Variants in PLPPR1 observed in about 807,000 individuals in gnomAD.
PLPPR1 encodes the protein phospholipid phosphatase-related protein type 1.
A neutral mutation model predicts 33.1 loss-of-function variants in PLPPR1; 10 were observed. That is an observed-to-expected ratio of 0.30 (90% CI 0.19 to 0.51). The LOEUF (loss-of-function observed/expected upper bound fraction) is 0.51. Among genes scored for constraint, PLPPR1 ranks in the 20% least tolerant of loss-of-function variants. The probability of loss-of-function intolerance (pLI) is 0.97; values close to 1 mark genes in which losing one functional copy is unlikely to be tolerated. For missense variants in PLPPR1, 304 were observed against 408.1 expected, an observed-to-expected ratio of 0.74 and a Z score of 2.20; for synonymous variants, 151 against 151.0, an observed-to-expected ratio of 1.00 and a Z score of 0.00.
chr9:101,269,704 A>G lies in PLPPR1; in HGVS notation c.64-176A>G. The G allele has an allele frequency of 4.7e-6, 3 of 633,890 alleles. No individual in the cohort carries two copies. In the South Asian group the frequency reaches 5.4e-5, roughly 11 times the overall value. The allele number at this position is 633,890 out of a possible 1,614,324, so 39.3% of individuals were successfully genotyped here. A position where few individuals can be genotyped will look rare whatever the true frequency, so the allele number is the denominator to read the frequency against. ...CTGGAAGGTTTATAGAACAGATGTT[A>G]CAAGGCAGACAAGCAAGCACACACT... On this transcript the variant is annotated intron_variant, in intron 2 of 7. Coordinates refer to ENST00000374874, the MANE Select transcript of PLPPR1 (RefSeq NM_207299.2).
chr9:101,266,098 G>A (rs1827987308), intron 2 of PLPPR1, among the ~76,000 whole-genome samples: 1 of 151,626 alleles, frequency 6.6e-6, no homozygotes, highest in Non-Finnish European at 1.5e-5. Flanking sequence ...TAGCATTATT[G>A]GGGGACTTCC....
In PLPPR1 at chr9:101,175,075, A is replaced by T. The variant is rs537631161; in HGVS notation, c.-45-10375A>T. Among the ~76,000 whole-genome samples, 198 of 152,264 alleles carry T rather than the reference A, an allele frequency of 1.3e-3. 2 individuals are homozygous for T. The highest frequency in any genetic ancestry group is 4.6e-3 in the African/African-American group (191 of 41,556). On this transcript the variant is annotated intron_variant, in intron 1 of 7. Coordinates refer to ENST00000374874, the MANE Select transcript of PLPPR1 (RefSeq NM_207299.2). The stretch of plus-strand genomic sequence containing the variant: ...CTGGCATTGTTTTTAGAGTTTTAAA[A>T]CATGTTAGGCTGATTCTTATCTTTG...
chr9:101,090,341 T>G (rs1405516582), intron 1 of PLPPR1, among the ~76,000 whole-genome samples: 1 of 152,138 alleles, frequency 6.6e-6, no homozygotes, highest in Admixed American at 6.6e-5. Flanking sequence ...TCTTTATCAA[T>G]GTATAAGAGT....
intron 3 of PLPPR1, among the ~76,000 whole-genome samples, chr9:101,271,674 T>A (rs1828104978): frequency 6.6e-6 from 1 of 152,166 alleles, no homozygotes; most frequent in Non-Finnish European, 1.5e-5. Flanking sequence ...TCATGGTGGC[T>A]CTACCTGGAG....
chr9:101,196,686 C>T (rs1826400054), intron 2 of PLPPR1, among the ~76,000 whole-genome samples: 1 of 152,072 alleles, frequency 6.6e-6, no homozygotes, highest in Non-Finnish European at 1.5e-5. Context: ...ACGGTGAAAC[C>T]ACGTCTCTAC....
intron 2 of PLPPR1, among the ~76,000 whole-genome samples, chr9:101,245,775 G>A (rs1249790873): frequency 6.6e-6 from 1 of 151,666 alleles, no homozygotes. Flanking sequence ...GTGCTTTCCA[G>A]CTCCAAGAAT....
At chr9:101,072,597 A>C (rs546634237) in intron 1 of PLPPR1, among the ~76,000 whole-genome samples, 1 of 152,288 alleles carries the variant, frequency 6.6e-6, no homozygotes, top group Admixed American at 6.5e-5. Flanking sequence ...GAAAAGATGC[A>C]TTCAGTAGAT....
chr9:101,163,092 A>G (rs1283896384), intron 1 of PLPPR1, among the ~76,000 whole-genome samples: 1 of 152,202 alleles, frequency 6.6e-6, no homozygotes, highest in East Asian at 1.9e-4. Context: ...GTGTCCTGGG[A>G]ATTAACCTAA....
intron 1 of PLPPR1, among the ~76,000 whole-genome samples, chr9:101,046,696 G>A (rs1463060439): frequency 1.3e-5 from 2 of 151,902 alleles, no homozygotes; most frequent in Admixed American, 6.6e-5. Context: ...ACCTGCCTCG[G>A]CCTCCCAAAG....
intron 2 of PLPPR1, among the ~76,000 whole-genome samples, chr9:101,247,553 G>A (rs1827633653): frequency 6.6e-6 from 1 of 152,106 alleles, no homozygotes; most frequent in Non-Finnish European, 1.5e-5. Flanking sequence ...AGGCACTTGA[G>A]AGAAAGTGGG....
intron 1 of PLPPR1, among the ~76,000 whole-genome samples, chr9:101,139,505 A>C (rs1343761557): frequency 6.6e-6 from 1 of 152,216 alleles, no homozygotes; most frequent in East Asian, 1.9e-4. Context: ...TTTTAGATTT[A>C]GACTGGAAGA....
chr9:101,311,464 T>C (rs1434168650), intron 5 of PLPPR1, among the ~76,000 whole-genome samples: 1 of 152,228 alleles, frequency 6.6e-6, no homozygotes, highest in Non-Finnish European at 1.5e-5. Context: ...CATAGGCTCA[T>C]GCTTTTAATA....
At chr9:101,079,995 T>C (rs1452545863) in intron 1 of PLPPR1, among the ~76,000 whole-genome samples, 1 of 152,244 alleles carries the variant, frequency 6.6e-6, no homozygotes, top group Admixed American at 6.5e-5. Flanking sequence ...AATGTCTTAA[T>C]AGGAATCTAT....
intron 1 of PLPPR1, among the ~76,000 whole-genome samples, chr9:101,148,282 C>T (rs1218586637): frequency 6.6e-6 from 1 of 152,128 alleles, no homozygotes; most frequent in Non-Finnish European, 1.5e-5. Context: ...ACTTAAGTGC[C>T]ACTGGTTATC....
chr9:101,200,599 C>T (rs1826474718), intron 2 of PLPPR1, among the ~76,000 whole-genome samples: 1 of 152,122 alleles, frequency 6.6e-6, no homozygotes, highest in South Asian at 2.1e-4. Context: ...CTAATTAAAA[C>T]TAAGTCAGTG....
In PLPPR1 at chr9:101,246,077, T is replaced by TAG. The variant is rs1266226202; in HGVS notation, c.64-23802_64-23801insGA. 3.1e-3 allele frequency among the ~76,000 whole-genome samples: 351 copies of TAG among 112,550 alleles called. 6 individuals carry two copies. Among genetic ancestry groups the TAG allele is most frequent in the African/African-American group, 0.012 (329 of 27,196 alleles). 73.8% of individuals were successfully genotyped at this position (112,550 alleles called of 152,430 possible). On this transcript the variant is annotated intron_variant, in intron 2 of 7. Coordinates refer to ENST00000374874, the MANE Select transcript of PLPPR1 (RefSeq NM_207299.2). ...ATGAATATATATATATATATATATA[T>TAG]ATATATATATATATATATATATATA...
chr9:101,147,640 T>C (rs1217114741), intron 1 of PLPPR1, among the ~76,000 whole-genome samples: 1 of 152,092 alleles, frequency 6.6e-6, no homozygotes, highest in Non-Finnish European at 1.5e-5. Flanking sequence ...GTTTCAGGAA[T>C]TGGAGGTGAC....
intron 1 of PLPPR1, among the ~76,000 whole-genome samples, chr9:101,176,834 C>T (rs965764419): frequency 2.6e-5 from 4 of 152,112 alleles, no homozygotes; most frequent in African/African-American, 9.7e-5. Flanking sequence ...TACCAAGAAT[C>T]AAAAAGATCT....
At chr9:101,116,375 T>C (rs1437957104) in intron 1 of PLPPR1, among the ~76,000 whole-genome samples, 1 of 152,228 alleles carries the variant, frequency 6.6e-6, no homozygotes, top group Non-Finnish European at 1.5e-5. Context: ...TCTAATTTTG[T>C]CCACATATTG....
Sources: gnomAD v4.1 joint callset for allele counts (sites outside exome capture counted in the v4.1 genomes callset) on GRCh38, gnomAD v4.1.1 for gene constraint, MANE v1.5 for transcripts, NCBI Gene and HGNC (gene_info 2026-07-23, HGNC 2026-07-21) for gene names.